The following PON1 variants were observed in gnomAD, a reference collection of about 807,000 sequenced individuals.
The protein encoded by PON1 is serum paraoxonase/arylesterase 1.
A neutral mutation model predicts 39.2 loss-of-function variants in PON1; 37 were observed. That is an observed-to-expected ratio of 0.94 (90% CI 0.73 to 1.24). PON1 has a LOEUF of 1.24. Among genes scored for constraint, PON1 ranks in the 50% most tolerant of loss-of-function variants. The pLI is 0.00. For missense variants in PON1, 397 were observed against 413.5 expected (o/e 0.96, Z 0.35); for synonymous variants, 148 against 152.2 (o/e 0.97, Z 0.21).
chr7:95,311,972 G>A (rs530209741), intron 4 of PON1, among the ~76,000 whole-genome samples: 2 of 152,224 alleles, frequency 1.3e-5, no homozygotes, highest in Non-Finnish European at 2.9e-5. Flanking sequence ...TTTACACAGT[G>A]TGAGATGATA....
chr7:95,315,808 T>C (rs1020349505), intron 3 of PON1, among the ~76,000 whole-genome samples: 1 of 152,168 alleles, frequency 6.6e-6, no homozygotes, highest in Non-Finnish European at 1.5e-5. Context: ...TTAATAATAG[T>C]CTTCAATGAT....
intron 3 of PON1, 36 bp downstream of exon 3, chr7:95,316,698 G>A (rs370074771): frequency 1.7e-5 from 26 of 1,574,976 alleles, no homozygotes; most frequent in Admixed American, 8.3e-5. Context: ...CCTAGAAAAC[G>A]TTCTAGAACA....
intron 8 of PON1, 40 bp from the exon 9 acceptor site, chr7:95,299,142 TCAC>T (rs1314014226): frequency 7.5e-6 from 12 of 1,593,508 alleles, no homozygotes; most frequent in Admixed American, 3.3e-5. Context: ...TTTTGTTAAG[TCAC>T]TTAAAACAAC....
At chr7:95,305,709 T>G (rs1807524741) in intron 7 of PON1, among the ~76,000 whole-genome samples, 1 of 151,858 alleles carries the variant, frequency 6.6e-6, no homozygotes, top group African/African-American at 2.4e-5. Flanking sequence ...TGGAGGAAGG[T>G]TTCTCCTCCT....
In PON1 at chr7:95,320,406, C is replaced by A. The variant is rs1056049618; in HGVS notation, c.75-2013G>T. Among the ~76,000 whole-genome samples the A allele has an allele frequency of 2.0e-5, 3 of 152,212 alleles. No homozygotes were observed. The South Asian group carries it at 6.2e-4, about 31-fold the overall frequency. On this transcript the variant is annotated intron_variant, in intron 1 of 8. Transcript: ENST00000222381. ...GGTGGGCAAGGGGGCATTAAGTCAG[C>A]ACTTGTTGATTTGGGTTCCAATTTG...
intron 6 of PON1, among the ~76,000 whole-genome samples, chr7:95,307,019 A>ACTTGCTTG (rs888258276): frequency 5.4e-5 from 8 of 147,944 alleles, no homozygotes; most frequent in Non-Finnish European, 1.2e-4. Context: ...TGTTGCTCTC[A>ACTTGCTTG]CTTGCTTGCT....
chr7:95,303,986 T>C (rs747966014), intron 7 of PON1, among the ~76,000 whole-genome samples: 2 of 152,164 alleles, frequency 1.3e-5, no homozygotes, highest in South Asian at 2.1e-4. Context: ...TGGTAAAATA[T>C]ATAAAAATTT....
intron 8 of PON1, among the ~76,000 whole-genome samples, chr7:95,299,474 A>G (rs1807367997): frequency 6.6e-6 from 1 of 152,150 alleles, no homozygotes; most frequent in Admixed American, 6.5e-5. Context: ...TGAAGGATGC[A>G]AAGTATTGAT....
At chr7:95,320,395 C>T (rs1274523339) in intron 1 of PON1, among the ~76,000 whole-genome samples, 1 of 152,176 alleles carries the variant, frequency 6.6e-6, no homozygotes, top group Non-Finnish European at 1.5e-5. Context: ...GGCAAGGGGG[C>T]ATTAAGTCAG....
chr7:95,299,642 C>T (rs188231871), intron 8 of PON1, among the ~76,000 whole-genome samples: 57 of 152,156 alleles, frequency 3.7e-4, no homozygotes, highest in Admixed American at 2.4e-3. Flanking sequence ...CTGGCCTACC[C>T]TCCCAGCCTA....
At chr7:95,306,416 A>T in intron 6 of PON1, 50 bp from the exon 7 acceptor site, 1 of 1,300,564 alleles carries the variant, frequency 7.7e-7, no homozygotes, top group Non-Finnish European at 1.1e-6. Flanking sequence ...ACACAACTTG[A>T]GAGATTAAGA....
chr7:95,321,960 G>A (rs563348764), intron 1 of PON1, among the ~76,000 whole-genome samples: 1 of 152,192 alleles, frequency 6.6e-6, no homozygotes, highest in African/African-American at 2.4e-5. Flanking sequence ...TTTAAAATTG[G>A]TGAGTGAATA....
intron 6 of PON1, among the ~76,000 whole-genome samples, chr7:95,307,587 T>C (rs1294305007): frequency 2.0e-5 from 3 of 152,220 alleles, no homozygotes; most frequent in African/African-American, 7.2e-5. Flanking sequence ...CTGACTTGTT[T>C]TTCACAGTAA....
At chr7:95,300,677 C>T (rs921093679) in intron 8 of PON1, among the ~76,000 whole-genome samples, 1 of 152,262 alleles carries the variant, frequency 6.6e-6, no homozygotes, top group East Asian at 1.9e-4. Context: ...GCAGATCAAT[C>T]ATTAGAAATG....
chr7:95,303,751 C>A (rs1195436786), intron 7 of PON1, among the ~76,000 whole-genome samples: 1 of 152,202 alleles, frequency 6.6e-6, no homozygotes. Context: ...CTAACTCATG[C>A]AAGACCCCTG....
At chr7:95,312,621 A>G (rs951745030) in intron 4 of PON1, among the ~76,000 whole-genome samples, 1 of 152,226 alleles carries the variant, frequency 6.6e-6, no homozygotes. Flanking sequence ...TAGAGCAAAA[A>G]CCTAAGTGAA....
In PON1 at chr7:95,297,828, A is replaced by AAAG. The variant is rs989201424; in HGVS notation, c.*1113_*1115dup. Reference sequence around the variant, plus strand: ...AAAAACAAGAAAAAAATTTGTTTCTAAAGTCACTGCCTTAACACCCTGAAG... The same window carrying AAAG: ...AAAAACAAGAAAAAAATTTGTTTCTAAAGAAGTCACTGCCTTAACACCCTGAAG... On this transcript the variant is annotated 3_prime_UTR_variant, in exon 9 of 9. Coordinates refer to ENST00000222381, the MANE Select transcript of PON1 (RefSeq NM_000446.7). 12 of 152,334 alleles carry AAAG rather than the reference A, an allele frequency of 7.9e-5. No individual in the cohort carries two copies. The highest frequency in any genetic ancestry group is 2.9e-4 in the African/African-American group (12 of 41,584). 9.4% of individuals were successfully genotyped at this position (152,334 alleles called of 1,614,324 possible).
Position 95,298,801 on chromosome 7 carries a change from A to G in PON1, c.*143T>C. ...AAGCCCTACACATCATATCACTCCCAGTTAAACAGTGCTTTGATGCTTCAT... is the reference window on the plus strand; with the variant it reads ...AAGCCCTACACATCATATCACTCCCGGTTAAACAGTGCTTTGATGCTTCAT... On this transcript the variant is annotated 3_prime_UTR_variant, in exon 9 of 9. Coordinates refer to ENST00000222381, the MANE Select transcript of PON1 (RefSeq NM_000446.7). 1.0e-6 allele frequency: 1 copy of G among 994,834 alleles called. No homozygotes were observed. Among genetic ancestry groups the G allele is most frequent in the Non-Finnish European group, 1.6e-6 (1 of 638,482 alleles). 61.6% of individuals were successfully genotyped at this position (994,834 alleles called of 1,614,324 possible).
chr7:95,319,301 C>T (rs1807845094), intron 1 of PON1, among the ~76,000 whole-genome samples: 3 of 152,056 alleles, frequency 2.0e-5, no homozygotes, highest in South Asian at 2.1e-4. Flanking sequence ...GCGGAACAGA[C>T]ACGCTAGATA....
Sources: gnomAD v4.1 joint callset for allele counts (sites outside exome capture counted in the v4.1 genomes callset) on GRCh38, gnomAD v4.1.1 for gene constraint, MANE v1.5 for transcripts, NCBI Gene and HGNC (gene_info 2026-07-23, HGNC 2026-07-21) for gene names.